The following TNS3 variants were observed in gnomAD, a reference collection of about 807,000 sequenced individuals.
TNS3 encodes tensin 3.
Under a neutral mutation model 140.9 loss-of-function variants are expected in TNS3, and 45 were observed. The observed-to-expected ratio is 0.32, with a 90% CI of 0.25 to 0.41. The LOEUF (loss-of-function observed/expected upper bound fraction) is 0.41, where lower values mean the gene tolerates loss of function less well. Ranked by LOEUF, TNS3 falls within the 10% of genes least tolerant of loss-of-function variation. The pLI, the probability that TNS3 is intolerant of heterozygous loss-of-function variation, is 1.00. For synonymous variants in TNS3, 815 were observed against 788.4 expected (o/e 1.03, Z -0.56); for missense variants, 1,716 against 1,906.7 (o/e 0.90, Z 1.86).
chr7:47,428,199 A>C (rs1196020100), intron 9 of TNS3, 113 bp downstream of exon 9: 3 of 691,408 alleles, frequency 4.3e-6, no homozygotes, highest in African/African-American at 1.8e-5. Context: ...AATGGGAAAC[A>C]CAGGTCAGCC....
At chr7:47,281,937 C>T (rs1353905726) in intron 28 of TNS3, among the ~76,000 whole-genome samples, 1 of 144,380 alleles carries the variant, frequency 6.9e-6, no homozygotes, top group Non-Finnish European at 1.5e-5. Flanking sequence ...TGACCCTGAC[C>T]CTGACCCTGA....
chr7:47,427,181 C>T (rs2151490946), intron 9 of TNS3, among the ~76,000 whole-genome samples: 1 of 150,696 alleles, frequency 6.6e-6, no homozygotes, highest in Admixed American at 6.6e-5. Flanking sequence ...CAGAACCAGC[C>T]AGGCTATGTT....
chr7:47,396,227 C>T (rs1369500970), intron 16 of TNS3, among the ~76,000 whole-genome samples: 1 of 152,176 alleles, frequency 6.6e-6, no homozygotes, highest in Non-Finnish European at 1.5e-5. Context: ...CACACAGCTG[C>T]CCCTTCCTTC....
intron 8 of TNS3, among the ~76,000 whole-genome samples, chr7:47,434,107 G>A (rs1795058145): frequency 1.3e-5 from 2 of 152,078 alleles, no homozygotes; most frequent in African/African-American, 2.4e-5. Flanking sequence ...ACATCTGTGT[G>A]CCCCGATGGA....
intron 20 of TNS3, among the ~76,000 whole-genome samples, chr7:47,315,200 A>C (rs1437095149): frequency 1.3e-5 from 2 of 151,860 alleles, no homozygotes; most frequent in Non-Finnish European, 2.9e-5. Context: ...ATATTCTCAC[A>C]TTTTCCCTTT....
intron 4 of TNS3, among the ~76,000 whole-genome samples, chr7:47,480,279 G>A (rs957178949): frequency 9.9e-5 from 15 of 152,200 alleles, no homozygotes; most frequent in Admixed American, 3.9e-4. Flanking sequence ...CAACACACCT[G>A]ACAGATGCCC....
At chr7:47,556,752 G>A (rs923350915) in intron 1 of TNS3, among the ~76,000 whole-genome samples, 14 of 152,184 alleles carry the variant, frequency 9.2e-5, no homozygotes, top group African/African-American at 2.7e-4. Context: ...TGCAAAGTGC[G>A]GGCCCCAGGC....
intron 3 of TNS3, among the ~76,000 whole-genome samples, chr7:47,498,949 A>G (rs2271312): frequency 0.64 from 97,993 of 152,238 alleles, 31,914 homozygotes; most frequent in Admixed American, 0.72. Context: ...GGTGTCGCCC[A>G]GCTGACGCAC....
At chr7:47,575,538 G>A (rs760019115) in intron 1 of TNS3, among the ~76,000 whole-genome samples, 6 of 152,084 alleles carry the variant, frequency 3.9e-5, no homozygotes, top group Admixed American at 1.3e-4. Context: ...AGATACGGCC[G>A]GGCGCGGTGG....
chr7:47,303,281 G>A lies in TNS3; in HGVS notation c.3126C>T (p.Ala1042=). The change falls in exon 22 of 31, where the codon GCC becomes GCT. Residue 1042 remains alanine, a synonymous_variant. Coordinates refer to ENST00000311160, the MANE Select transcript of TNS3 (RefSeq NM_022748.12). The part of the protein sequence containing the change: ...PPEEDLGALL[A]NSHGASPTPS... ...GGGTCGGTGACGCTCCATGAGAATT[G>A]GCCAGCAAGGCCCCCAGGTCCTCCT... is the stretch of plus-strand genomic sequence containing the variant. The A allele has an allele frequency of 6.2e-7, 1 of 1,613,598 alleles. No homozygotes were observed. The highest frequency in any genetic ancestry group is 1.7e-4 in the Middle Eastern group (1 of 6,056).
intron 8 of TNS3, among the ~76,000 whole-genome samples, chr7:47,432,095 G>A (rs1794954964): frequency 6.6e-6 from 1 of 151,724 alleles, no homozygotes; most frequent in South Asian, 2.1e-4. Context: ...CCGAAAAAAA[G>A]AGAAAACTTC....
chr7:47,466,303 C>A (rs1391797659), intron 4 of TNS3, among the ~76,000 whole-genome samples: 1 of 152,018 alleles, frequency 6.6e-6, no homozygotes, highest in Non-Finnish European at 1.5e-5. Context: ...CAGACGTGCA[C>A]CACCAAGACC....
intron 17 of TNS3, among the ~76,000 whole-genome samples, chr7:47,350,364 T>A (rs992105080): frequency 7.9e-5 from 12 of 152,322 alleles, no homozygotes; most frequent in Middle Eastern, 3.4e-3. Context: ...CTTCCCAGTC[T>A]TAGGAAATCT....
At chr7:47,527,721 T>C (rs1419175005) in intron 2 of TNS3, among the ~76,000 whole-genome samples, 1 of 152,138 alleles carries the variant, frequency 6.6e-6, no homozygotes, top group East Asian at 1.9e-4. Context: ...AAGAGCAGCC[T>C]GGACAACATA....
chr7:47,305,380 C>T (rs1584360241), intron 20 of TNS3, among the ~76,000 whole-genome samples: 1 of 152,242 alleles, frequency 6.6e-6, no homozygotes, highest in African/African-American at 2.4e-5. Flanking sequence ...ACTCCATGAT[C>T]TAGGCTGCAC....
intron 4 of TNS3, among the ~76,000 whole-genome samples, chr7:47,456,508 G>A (rs1367741342): frequency 6.6e-6 from 1 of 152,148 alleles, no homozygotes; most frequent in Admixed American, 6.5e-5. Context: ...TACTGTGCCT[G>A]GAACACCACA....
At chr7:47,358,625 C>T (rs1021070590) in intron 17 of TNS3, among the ~76,000 whole-genome samples, 1 of 152,226 alleles carries the variant, frequency 6.6e-6, no homozygotes, top group African/African-American at 2.4e-5. Context: ...GCCGGCAGTG[C>T]TCTCGGGAGT....
At chr7:47,400,315 C>A in intron 15 of TNS3, 78 bp downstream of exon 15, 1 of 1,189,232 alleles carries the variant, frequency 8.4e-7, no homozygotes, top group Non-Finnish European at 1.3e-6. Flanking sequence ...GAGACTAGTA[C>A]TACAGCCCCA....
intron 3 of TNS3, among the ~76,000 whole-genome samples, chr7:47,501,501 C>G (rs1017059758): frequency 6.6e-6 from 1 of 152,114 alleles, no homozygotes; most frequent in Non-Finnish European, 1.5e-5. Flanking sequence ...CTGAGCAGAG[C>G]GGAGCTGGCT....
Sources: gnomAD v4.1 joint callset for allele counts (sites outside exome capture counted in the v4.1 genomes callset) on GRCh38, gnomAD v4.1.1 for gene constraint, MANE v1.5 for transcripts, NCBI Gene and HGNC (gene_info 2026-07-23, HGNC 2026-07-21) for gene names.